BCHE: variants seen among roughly 807,000 people sequenced by gnomAD.
BCHE encodes the protein butyrylcholinesterase.
A neutral mutation model predicts 51.3 loss-of-function variants in BCHE; 48 were observed. That is an observed-to-expected ratio of 0.94 (90% CI 0.74 to 1.19). The LOEUF is 1.19. BCHE is among the 50% of genes most tolerant of loss of function. The pLI, the probability that BCHE is intolerant of heterozygous loss-of-function variation, is 0.00. For synonymous variants in BCHE, 251 were observed against 238.0 expected (o/e 1.05, Z -0.50); for missense variants, 847 against 708.2 (o/e 1.20, Z -2.23).
intron 2 of BCHE, among the ~76,000 whole-genome samples, chr3:165,807,381 C>T (rs1713904757): frequency 6.6e-6 from 1 of 151,658 alleles, no homozygotes; most frequent in African/African-American, 2.4e-5. Flanking sequence ...TAAAGTTCTC[C>T]CTATTTAGAA....
chr3:165,830,270 A>G lies in BCHE; in HGVS notation c.764T>C (p.Phe255Ser). Residue 255 changes from phenylalanine to serine, a missense_variant, in exon 2 of 4, where the codon TTT (phenylalanine) becomes TCT (serine). Coordinates refer to ENST00000264381, the MANE Select transcript of BCHE (RefSeq NM_000055.4). ...AGATGTTACCGCCCAAGGAGCATTA[A>G]AGGATCCACTTTGCAGAATGGCTCT... ...FTRAILQSGS[F>S]NAPWAVTSLY... is the part of the protein sequence containing the mutation. The G allele has an allele frequency of 6.2e-7, 1 of 1,614,008 alleles. No individual in the cohort carries two copies. The highest frequency in any genetic ancestry group is 8.5e-7 in the Non-Finnish European group (1 of 1,179,930).
intron 3 of BCHE, among the ~76,000 whole-genome samples, chr3:165,774,143 A>G (rs1163383159): frequency 2.0e-5 from 3 of 152,126 alleles, no homozygotes; most frequent in Non-Finnish European, 2.9e-5. Context: ...AATGATAAGA[A>G]AAAAAGGTCT....
intron 2 of BCHE, among the ~76,000 whole-genome samples, chr3:165,818,563 T>C (rs1240814610): frequency 6.6e-6 from 1 of 152,134 alleles, no homozygotes; most frequent in African/African-American, 2.4e-5. Flanking sequence ...AATAGGGATA[T>C]TAATGCATTT....
chr3:165,809,219 T>C (rs1176236121), intron 2 of BCHE, among the ~76,000 whole-genome samples: 1 of 152,170 alleles, frequency 6.6e-6, no homozygotes, highest in Non-Finnish European at 1.5e-5. Flanking sequence ...TGTTAATTTG[T>C]ATTTTATGTG....
Position 165,786,291 on chromosome 3 carries a change from T to C in BCHE, c.1538A>G (p.Asn513Ser). Residue 513 changes from asparagine (N) to serine (S), a missense_variant, in exon 3 of 4, where the codon AAC (asparagine) becomes AGC (serine). Coordinates refer to ENST00000264381, the MANE Select transcript of BCHE (RefSeq NM_000055.4). ...GAAGACAGGCCAGCTTGTGCTATTGTTCTGAGTCTCATTTGGATTCCTAAA... is the reference window on the plus strand; with the variant it reads ...GAAGACAGGCCAGCTTGTGCTATTGCTCTGAGTCTCATTTGGATTCCTAAA... ...AKYGNPNETQ[N>S]NSTSWPVFKS... 6.2e-7 allele frequency: 1 copy of C among 1,611,544 alleles called. No individual in the cohort carries two copies. Among genetic ancestry groups the C allele is most frequent in the Non-Finnish European group, 8.5e-7 (1 of 1,178,306 alleles).
intron 2 of BCHE, among the ~76,000 whole-genome samples, chr3:165,791,049 CACTTTGGG>C (rs1485822358): frequency 6.6e-6 from 1 of 152,124 alleles, no homozygotes; most frequent in East Asian, 1.9e-4. Context: ...TGTAATCCAG[CACTTTGGG>C]AGGCCGAGGT....
At chr3:165,812,814 G>A (rs954400780) in intron 2 of BCHE, among the ~76,000 whole-genome samples, 19 of 151,838 alleles carry the variant, frequency 1.3e-4, no homozygotes, top group African/African-American at 3.6e-4. Flanking sequence ...TATTGGAGAG[G>A]TGCTTCCTTA....
chr3:165,787,839 G>T (rs1437765179), intron 2 of BCHE, among the ~76,000 whole-genome samples: 1 of 152,016 alleles, frequency 6.6e-6, no homozygotes, highest in Middle Eastern at 3.4e-3. Context: ...TGGCTAGTGT[G>T]AGCATAATAT....
intron 3 of BCHE, among the ~76,000 whole-genome samples, chr3:165,782,791 G>A (rs1336127918): frequency 6.6e-6 from 1 of 152,116 alleles, no homozygotes; most frequent in Non-Finnish European, 1.5e-5. Context: ...ATGAGGACCT[G>A]CTTTCTGGTT....
rs367912630 is a variant in BCHE at position 165,786,279 on chromosome 3, C to T, written c.1550G>A (p.Ser517Asn). Residue 517 changes from serine (S) to asparagine (N), a missense_variant, in exon 3 of 4, where the codon AGC becomes AAC. By Grantham distance (46) the Ser-to-Asn change is conservative. Transcript: ENST00000264381. ...NPNETQNNSTSWPVFKSTEQK... is the reference protein window; with the variant it reads ...NPNETQNNSTNWPVFKSTEQK... Reference sequence around the variant, plus strand: ...TTCAGTGCTTTTGAAGACAGGCCAGCTTGTGCTATTGTTCTGAGTCTCATT... The same window carrying T: ...TTCAGTGCTTTTGAAGACAGGCCAGTTTGTGCTATTGTTCTGAGTCTCATT... 27 of 1,611,676 alleles carry T rather than the reference C, an allele frequency of 1.7e-5. No individual in the cohort carries two copies. Among genetic ancestry groups the T allele is most frequent in the African/African-American group, 4.0e-5 (3 of 74,828 alleles).
At chr3:165,789,704 T>G (rs1713095414) in intron 2 of BCHE, among the ~76,000 whole-genome samples, 1 of 152,110 alleles carries the variant, frequency 6.6e-6, no homozygotes, top group Non-Finnish European at 1.5e-5. Context: ...GAAAATATAT[T>G]GAATAAATTT....
At chr3:165,805,516 A>G (rs995771317) in intron 2 of BCHE, among the ~76,000 whole-genome samples, 1 of 152,260 alleles carries the variant, frequency 6.6e-6, no homozygotes, top group East Asian at 1.9e-4. Flanking sequence ...GTGGCATACA[A>G]TGTTTTGTTA....
rs527841825 is a variant in BCHE, at chr3:165,807,053, C to T, written c.1518-20742G>A. Among the ~76,000 whole-genome samples, 21 of 151,976 alleles carry T rather than the reference C, an allele frequency of 1.4e-4. No homozygotes were observed. In the South Asian group the frequency reaches 2.1e-3, roughly 15 times the overall value. On this transcript the variant is annotated intron_variant, in intron 2 of 3. Coordinates refer to ENST00000264381, the MANE Select transcript of BCHE (RefSeq NM_000055.4). ...TTACTTTTTTGGGGGGTTGGTGGAG[C>T]GGAGTAGGAAATGTAAATGGTATCT... is the stretch of plus-strand genomic sequence containing the variant.
At chr3:165,775,293 A>T (rs755287528) in intron 3 of BCHE, among the ~76,000 whole-genome samples, 2 of 151,954 alleles carry the variant, frequency 1.3e-5, no homozygotes, top group African/African-American at 2.4e-5. Flanking sequence ...TTGGAAAAAT[A>T]TTTGAAAGTT....
At position 165,773,393 on chromosome 3, in the gene BCHE, C is replaced by T. The variant is rs373551373; in HGVS notation, c.1798G>A (p.Val600Met). ...NDYTSKKESC[V>M]GL ...GGTAAATCTATTAATTAGAGACCCA[C>T]ACAACTTTCTTTCTTGCTAGTGTAA... The change falls in exon 4 of 4, where the codon GTG becomes ATG. Residue 600 changes from valine (V) to methionine (M), a missense_variant. Transcript: ENST00000264381. The T allele has an allele frequency of 1.9e-6, 3 of 1,610,580 alleles. No homozygotes were observed. Among genetic ancestry groups the T allele is most frequent in the African/African-American group, 1.3e-5 (1 of 74,842 alleles).
At chr3:165,776,967 T>C (rs1398351349) in intron 3 of BCHE, among the ~76,000 whole-genome samples, 3 of 151,486 alleles carry the variant, frequency 2.0e-5, no homozygotes, top group African/African-American at 2.4e-5. Context: ...AATACGGTAA[T>C]ATAGAGAAGT....
At chr3:165,777,697 A>T (rs1018927451) in intron 3 of BCHE, 7 of 435,922 alleles carry the variant, frequency 1.6e-5, no homozygotes, top group African/African-American at 1.4e-4. Flanking sequence ...CATGAGTCTG[A>T]ACTGCACAAG....
intron 2 of BCHE, 23 bp downstream of exon 2, chr3:165,829,494 C>T: frequency 6.3e-7 from 1 of 1,594,116 alleles, no homozygotes; most frequent in South Asian, 1.1e-5. Context: ...AGCCAGAGAA[C>T]AATGACAAAA....
At chr3:165,824,536 T>TA (rs1389265596) in intron 2 of BCHE, among the ~76,000 whole-genome samples, 4 of 152,076 alleles carry the variant, frequency 2.6e-5, no homozygotes, top group Admixed American at 6.6e-5. Context: ...CTAACAATCC[T>TA]AGAGAATGCA....
Sources: allele counts gnomAD v4.1 joint callset (sites outside exome capture counted in the v4.1 genomes callset), GRCh38; gene constraint gnomAD v4.1.1; transcripts MANE v1.5; gene names NCBI Gene and HGNC (gene_info 2026-07-23, HGNC 2026-07-21).